The following RPS25 variants were observed in gnomAD, a reference collection of about 807,000 sequenced individuals.
RPS25 encodes the protein ribosomal protein S25, also known as small ribosomal subunit protein eS25.
In RPS25, 1 loss-of-function variant was observed where a neutral mutation model predicts 14.4. The observed-to-expected ratio is 0.07, with a 90% confidence interval of 0.02 to 0.33. The LOEUF is 0.33. Ranked by LOEUF, RPS25 falls within the 10% of genes least tolerant of loss-of-function variation. The pLI is 1.00. For missense variants in RPS25, 65 were observed against 144.6 expected (o/e 0.45, Z 2.82); for synonymous variants, 63 against 53.8 (o/e 1.17, Z -0.75).
Position 119,017,341 on chromosome 11 carries a change from CAT to C in RPS25, c.283+19_283+20del, listed in dbSNP as rs1943187895. On this transcript the variant is annotated intron_variant, in intron 3 of 4. Transcript: ENST00000527673. ...AGACAATTTAACCTACAAAAACACA[CAT>C]GTAGGATACACCCCTCACCTTTACT... 10 of 1,579,194 alleles carry C rather than the reference CAT, an allele frequency of 6.3e-6. No homozygotes were observed. Among genetic ancestry groups the C allele is most frequent in the Non-Finnish European group, 8.6e-6 (10 of 1,159,042 alleles).
chr11:119,016,608 T>C (rs1307685245), intron 3 of RPS25, among the ~76,000 whole-genome samples: 2 of 151,416 alleles, frequency 1.3e-5, no homozygotes, highest in African/African-American at 4.9e-5. Context: ...TTACTTTTCC[T>C]TTAAATTAGG....
At chr11:119,016,406 A>G (rs911739944) in intron 3 of RPS25, among the ~76,000 whole-genome samples, 1 of 152,084 alleles carries the variant, frequency 6.6e-6, no homozygotes, top group Non-Finnish European at 1.5e-5. Context: ...CTATTTAAAG[A>G]AAAGGAAAAC....
At position 119,017,490 on chromosome 11, in the gene RPS25, T is replaced by C; in HGVS notation, c.155A>G (p.Lys52Arg). 1 of 1,614,166 alleles carries C rather than the reference T, an allele frequency of 6.2e-7. No individual in the cohort carries two copies. The highest frequency in any genetic ancestry group is 8.5e-7 in the Non-Finnish European group (1 of 1,180,020). ...CTTACAGAGTTTATCATAGGTAGCT[T>C]TGTCAAACAAGACTAAGTTATTGAG... ...DKLNNLVLFD[K>R]ATYDKLCKEV... Residue 52 changes from lysine to arginine, a missense_variant, in exon 3 of 5, where the codon AAA (lysine) becomes AGA (arginine). Coordinates refer to ENST00000527673, the MANE Select transcript of RPS25 (RefSeq NM_001028.3).
rs1943205820 is a variant in RPS25 at position 119,017,988 on chromosome 11, C to A, written c.69G>T (p.Val23=). 2 of 1,612,344 alleles carry A rather than the reference C, an allele frequency of 1.2e-6. No homozygotes were observed. The highest frequency in any genetic ancestry group is 2.2e-5 in the South Asian group (2 of 90,980). The change falls in exon 2 of 5, where the codon GTG becomes GTT. Residue 23 remains valine, a synonymous_variant. Coordinates refer to ENST00000527673, the MANE Select transcript of RPS25 (RefSeq NM_001028.3). ...TTTTGGCCTTGCCCCCGGATTTGTT[C>A]ACTGGGTCTTTGTCTTTCTTGGCCG... ...GKSAKKDKDP[V]NKSGGKAKKK...
In RPS25 at chr11:119,017,435, T is replaced by G. The variant is rs781960848; in HGVS notation, c.210A>C (p.Pro70=). 5 of 1,614,036 alleles carry G rather than the reference T, an allele frequency of 3.1e-6. No homozygotes were observed. The highest frequency in any genetic ancestry group is 1.7e-5 in the Admixed American group (1 of 60,008). The stretch of plus-strand genomic sequence containing the variant: ...TCTTCAGTCTCTCAGAGACCACAGC[T>G]GGGGTTATAAGTTTATAGTTGGGAA... ...KEVPNYKLIT[P]AVVSERLKIR... Residue 70 remains proline (P), a synonymous_variant, in exon 3 of 5, where the codon CCA becomes CCC. Coordinates refer to ENST00000527673, the MANE Select transcript of RPS25 (RefSeq NM_001028.3).
chr11:119,018,064 G>A lies in RPS25; in HGVS notation c.4-11C>T. On this transcript the variant is annotated splice_polypyrimidine_tract_variant and intron_variant, in intron 1 of 4. Coordinates refer to ENST00000527673, the MANE Select transcript of RPS25 (RefSeq NM_001028.3). ...GTCGTCCTTAGGCGGCTGTAGGAGG[G>A]CAGCGGGAATGCAACCAGGTCCTCA... 1 of 1,611,666 alleles carries A rather than the reference G, an allele frequency of 6.2e-7. No individual in the cohort carries two copies. The highest frequency in any genetic ancestry group is 8.5e-7 in the Non-Finnish European group (1 of 1,179,470).
chr11:119,016,911 C>T (rs553313575), intron 3 of RPS25, among the ~76,000 whole-genome samples: 3 of 152,180 alleles, frequency 2.0e-5, no homozygotes, highest in African/African-American at 7.2e-5. Flanking sequence ...CGTTCAGTCA[C>T]TATAGTTAGC....
At chr11:119,017,717 G>A (rs750048878) in intron 2 of RPS25, 172 bp from the exon 3 acceptor site, 28 of 714,358 alleles carry the variant, frequency 3.9e-5, no homozygotes, top group Non-Finnish European at 5.6e-5. Flanking sequence ...TTCAAACAGG[G>A]GCCGAGCCCC....
Position 119,018,071 on chromosome 11 carries a change from G to A in RPS25, c.4-18C>T, listed in dbSNP as rs1360228406. On this transcript the variant is annotated intron_variant, in intron 1 of 4. Coordinates refer to ENST00000527673, the MANE Select transcript of RPS25 (RefSeq NM_001028.3). ...TTAGGCGGCTGTAGGAGGGCAGCGG[G>A]AATGCAACCAGGTCCTCAAATAGCG... is the stretch of plus-strand genomic sequence containing the variant. The A allele has an allele frequency of 4.3e-6, 7 of 1,609,910 alleles. No individual in the cohort carries two copies. Among genetic ancestry groups the A allele is most frequent in the African/African-American group, 2.7e-5 (2 of 74,790 alleles).
chr11:119,015,848 T>A lies in RPS25; in HGVS notation c.375A>T (p.Ala125=), dbSNP rs142393808. 1.9e-6 allele frequency: 3 copies of A among 1,588,744 alleles called. No homozygotes were observed. Among genetic ancestry groups the A allele is most frequent in the Non-Finnish European group, 2.6e-6 (3 of 1,156,928 alleles). The change falls in exon 4 of 5, where the codon GCA becomes GCT. Residue 125 remains alanine (A), a synonymous_variant. Transcript: ENST00000527673. ...CCACACATTCCTACTCACCTATTCA[T>A]GCATCTTCACCAGCAGCTGGAGCAT... The part of the protein sequence containing the change: ...GGDAPAAGED[A]
intron 2 of RPS25, 76 bp from the exon 3 acceptor site, chr11:119,017,621 C>CA (rs1412567862): frequency 1.7e-5 from 21 of 1,263,040 alleles, no homozygotes; most frequent in Middle Eastern, 3.8e-4. Flanking sequence ...TAATCTGCGT[C>CA]AGAGAAATCT....
rs1286502017 is a variant in RPS25 at position 119,015,970 on chromosome 11, T to A, written c.284-31A>T. Reference sequence around the variant, plus strand: ...GGGAGAGAATAGCACGATGAGATGCTTAACAGATGCTACAATAGAAACTAG... The same window carrying A: ...GGGAGAGAATAGCACGATGAGATGCATAACAGATGCTACAATAGAAACTAG... On this transcript the variant is annotated intron_variant, in intron 3 of 4. Coordinates refer to ENST00000527673, the MANE Select transcript of RPS25 (RefSeq NM_001028.3). The A allele has an allele frequency of 3.8e-6, 5 of 1,312,800 alleles. No individual in the cohort carries two copies. The African/African-American group carries it at 7.3e-5, about 19-fold the overall frequency. 81.3% of individuals were successfully genotyped at this position (1,312,800 alleles called of 1,614,324 possible). A position where few individuals can be genotyped will look rare whatever the true frequency, so the allele number is the denominator to read the frequency against.
In RPS25 at chr11:119,017,666, TAAAACA is replaced by T. The variant is rs199734960; in HGVS notation, c.100-127_100-122del. ...TTATCAAGGATAAATTACACATTAC[TAAAACA>T]AAAACAAAAAAAAAACACCGACACG... On this transcript the variant is annotated intron_variant, in intron 2 of 4. Transcript: ENST00000527673. 49 of 955,058 alleles carry T rather than the reference TAAAACA, an allele frequency of 5.1e-5. No individual in the cohort carries two copies. The South Asian group carries it at 6.0e-4, about 12-fold the overall frequency. The allele number at this position is 955,058 out of a possible 1,614,324, so 59.2% of individuals were successfully genotyped here. A position where few individuals can be genotyped will look rare whatever the true frequency, so the allele number is the denominator to read the frequency against.
chr11:119,017,010 A>G (rs1943178394), intron 3 of RPS25, among the ~76,000 whole-genome samples: 1 of 152,248 alleles, frequency 6.6e-6, no homozygotes, highest in Non-Finnish European at 1.5e-5. Flanking sequence ...TAATACATCA[A>G]CAAAATATTT....
intron 2 of RPS25, 142 bp downstream of exon 2, chr11:119,017,816 C>G (rs1943200001): frequency 1.4e-6 from 1 of 726,756 alleles, no homozygotes; most frequent in African/African-American, 1.8e-5. Flanking sequence ...GGAAAAAGAA[C>G]GAGTGGTGAC....
intron 4 of RPS25, 39 bp downstream of exon 4, chr11:119,015,802 T>A: frequency 7.1e-7 from 1 of 1,403,788 alleles, no homozygotes; most frequent in South Asian, 1.2e-5. Context: ...AAGCTTTGTA[T>A]CTACCTCCTA....
Position 119,017,029 on chromosome 11 carries a change from G to A in RPS25, c.283+333C>T, listed in dbSNP as rs57213486. Among the ~76,000 whole-genome samples the A allele has an allele frequency of 9.1e-3, 1,389 of 152,224 alleles. 25 individuals carry two copies. The highest frequency in any genetic ancestry group is 0.031 in the African/African-American group (1,307 of 41,540). On this transcript the variant is annotated intron_variant, in intron 3 of 4. Transcript: ENST00000527673. ...ACATCAACAAAATATTTACCATAAAGGTTTTAAACATTTTCAAAGTTGTTT... is the reference window on the plus strand; with the variant it reads ...ACATCAACAAAATATTTACCATAAAAGTTTTAAACATTTTCAAAGTTGTTT...
At chr11:119,016,275 G>A (rs1414736585) in intron 3 of RPS25, among the ~76,000 whole-genome samples, 1 of 152,150 alleles carries the variant, frequency 6.6e-6, no homozygotes, top group Admixed American at 6.5e-5. Flanking sequence ...AACAGAATGA[G>A]ACTCTAGTAA....
At position 119,018,276 on chromosome 11, in the gene RPS25, G is replaced by A; in HGVS notation, c.3+6C>T. On this transcript the variant is annotated splice_donor_region_variant and intron_variant, in intron 1 of 4. Coordinates refer to ENST00000527673, the MANE Select transcript of RPS25 (RefSeq NM_001028.3). ...ACGCCGGCGACTTCACACCCCTGAA[G>A]CTTACCATTGCGAAGCTCGGAGAAT... 2.5e-6 allele frequency: 4 copies of A among 1,614,116 alleles called. No individual in the cohort carries two copies. The highest frequency in any genetic ancestry group is 2.5e-6 in the Non-Finnish European group (3 of 1,179,992).
Sources: gnomAD v4.1 joint callset for allele counts (sites outside exome capture counted in the v4.1 genomes callset) on GRCh38, gnomAD v4.1.1 for gene constraint, MANE v1.5 for transcripts, NCBI Gene and HGNC (gene_info 2026-07-23, HGNC 2026-07-21) for gene names.